Variants in ANKS1A observed in about 807,000 individuals in gnomAD.
The protein encoded by ANKS1A is ankyrin repeat and SAM domain-containing protein 1A.
Under a neutral mutation model 120.3 loss-of-function variants are expected in ANKS1A, and 55 were observed. That is an observed-to-expected ratio of 0.46 (90% CI 0.37 to 0.57). The LOEUF is 0.57. Among genes scored for constraint, ANKS1A ranks in the 20% least tolerant of loss-of-function variants. The pLI is 0.00. For missense variants in ANKS1A, 1,123 were observed against 1,480.3 expected (o/e 0.76, Z 3.96); for synonymous variants, 590 against 604.7 (o/e 0.98, Z 0.36).
At chr6:35,063,243 C>T (rs958944336) in intron 13 of ANKS1A, among the ~76,000 whole-genome samples, 2 of 152,260 alleles carry the variant, frequency 1.3e-5, no homozygotes, top group Admixed American at 6.5e-5. Context: ...CCACACTGCA[C>T]CTGCATCGTA....
At position 35,017,979 on chromosome 6, in the gene ANKS1A, C is replaced by T. The variant is rs144409160; in HGVS notation, c.1930C>T (p.Arg644Trp). 44 of 1,614,078 alleles carry T rather than the reference C, an allele frequency of 2.7e-5. No homozygotes were observed. Among genetic ancestry groups the T allele is most frequent in the Non-Finnish European group, 3.5e-5 (41 of 1,180,050 alleles). ...CACAGAGGACGCTACCATGGGGAGT[C>T]GGAGTGAGTCCTTATCCAACTGCAG... ...SPTEDATMGS[R>W]SESLSNCSIG... is the part of the protein sequence containing the mutation. Residue 644 changes from arginine to tryptophan, a missense_variant, in exon 11 of 24, where the codon CGG (arginine) becomes TGG (tryptophan). Around this residue, in one of 3 missense-constraint regions of ANKS1A, gnomAD observed 904 missense variants for 1,130.4 expected, o/e 0.80. Transcript: ENST00000360359.
chr6:35,069,063 C>T (rs1271853250), intron 13 of ANKS1A, among the ~76,000 whole-genome samples: 1 of 152,196 alleles, frequency 6.6e-6, no homozygotes, highest in African/African-American at 2.4e-5. Context: ...AGACTCAAGC[C>T]TTCCTTCCCT....
chr6:35,074,588 G>A (rs1777250878), intron 13 of ANKS1A, among the ~76,000 whole-genome samples: 1 of 152,160 alleles, frequency 6.6e-6, no homozygotes, highest in African/African-American at 2.4e-5. Flanking sequence ...AGTCTGGGAA[G>A]GCGGCTGCCT....
intron 2 of ANKS1A, among the ~76,000 whole-genome samples, chr6:34,969,103 G>A (rs915707827): frequency 4.6e-5 from 7 of 152,020 alleles, no homozygotes; most frequent in Non-Finnish European, 8.8e-5. Flanking sequence ...ATTTACAGTG[G>A]GGATTTTCTT....
chr6:34,991,588 A>G (rs1450918115), intron 9 of ANKS1A, among the ~76,000 whole-genome samples: 2 of 148,690 alleles, frequency 1.3e-5, no homozygotes, highest in Non-Finnish European at 3.0e-5. Flanking sequence ...ACATATACAC[A>G]TATATATATA....
At chr6:34,964,636 C>A (rs775621772) in intron 1 of ANKS1A, among the ~76,000 whole-genome samples, 1 of 152,162 alleles carries the variant, frequency 6.6e-6, no homozygotes, top group Non-Finnish European at 1.5e-5. Flanking sequence ...TATTTTACTG[C>A]TTGCCTATGG....
At position 34,982,745 on chromosome 6, in the gene ANKS1A, T is replaced by A. The variant is rs764070810; in HGVS notation, c.733-7T>A. On this transcript the variant is annotated splice_polypyrimidine_tract_variant and splice_region_variant and intron_variant, in intron 4 of 23. Transcript: ENST00000360359. This position sits in a 1 kb window ranked among gnomAD's most constrained non-coding sequence, Gnocchi z 4.9. ...CATCCCGCTCTGCGCTCTCGTTTGC[T>A]TTCCAGACGGAGATGGGCAGTGCTT... is the stretch of plus-strand genomic sequence containing the variant. 3.1e-6 allele frequency: 5 copies of A among 1,614,152 alleles called. No homozygotes were observed. The South Asian group carries it at 4.4e-5, about 14-fold the overall frequency.
chr6:34,982,061 C>A lies in ANKS1A; in HGVS notation c.732+75C>A. On this transcript the variant is annotated intron_variant, in intron 4 of 23. Transcript: ENST00000360359. The surrounding 1 kb of genome is among the most constrained non-coding windows in gnomAD (Gnocchi z 4.9). ...TGCAGAAGGCACAAGGACCATGCTG[C>A]TGGGCTGTGCTCTTTATTTAGCACG... 1 of 1,526,200 alleles carries A rather than the reference C, an allele frequency of 6.6e-7. No individual in the cohort carries two copies. 94.5% of individuals were successfully genotyped at this position (1,526,200 alleles called of 1,614,324 possible). A position where few individuals can be genotyped will look rare whatever the true frequency, so the allele number is the denominator to read the frequency against.
At chr6:34,951,705 A>G (rs1770100426) in intron 1 of ANKS1A, among the ~76,000 whole-genome samples, 1 of 152,228 alleles carries the variant, frequency 6.6e-6, no homozygotes, top group Non-Finnish European at 1.5e-5. Flanking sequence ...CAAAATAATC[A>G]TCTTAAATAA....
chr6:34,958,981 C>T (rs962914473), intron 1 of ANKS1A, among the ~76,000 whole-genome samples: 2 of 152,196 alleles, frequency 1.3e-5, no homozygotes, highest in African/African-American at 4.8e-5. Context: ...AGCGCTGTGG[C>T]ATCAACATTG....
At chr6:34,977,485 T>A (rs1204642632) in intron 3 of ANKS1A, among the ~76,000 whole-genome samples, 1 of 152,028 alleles carries the variant, frequency 6.6e-6, no homozygotes, top group African/African-American at 2.4e-5. Context: ...AGAGCAGGAA[T>A]CTTTCTGTCA....
chr6:34,922,930 A>T (rs1270422377), intron 1 of ANKS1A, among the ~76,000 whole-genome samples: 1 of 151,990 alleles, frequency 6.6e-6, no homozygotes, highest in African/African-American at 2.4e-5. Flanking sequence ...TGACATTGTG[A>T]TCCGCCCCTC....
chr6:35,005,535 G>A (rs1000974355), intron 10 of ANKS1A, among the ~76,000 whole-genome samples: 1 of 152,196 alleles, frequency 6.6e-6, no homozygotes, highest in Non-Finnish European at 1.5e-5. Flanking sequence ...GACAGTAGCA[G>A]AGAGTAACTA....
intron 1 of ANKS1A, among the ~76,000 whole-genome samples, chr6:34,952,521 A>C (rs775576641): frequency 2.6e-5 from 4 of 152,196 alleles, no homozygotes; most frequent in Non-Finnish European, 5.9e-5. Context: ...GCCAGGGAGC[A>C]AATCATTCTT....
chr6:34,952,145 G>A (rs960577469), intron 1 of ANKS1A, among the ~76,000 whole-genome samples: 3 of 152,096 alleles, frequency 2.0e-5, no homozygotes, highest in East Asian at 1.9e-4. Flanking sequence ...AGTTATTTCC[G>A]TCCATGCTTG....
chr6:35,023,759 AGTAG>A (rs1451713401), intron 11 of ANKS1A: 4 of 332,950 alleles, frequency 1.2e-5, no homozygotes, highest in Non-Finnish European at 2.4e-5. Flanking sequence ...GAGGCACCAA[AGTAG>A]TTCTAGGTGA....
intron 3 of ANKS1A, among the ~76,000 whole-genome samples, chr6:34,977,838 G>T (rs938514708): frequency 6.6e-6 from 1 of 152,170 alleles, no homozygotes; most frequent in African/African-American, 2.4e-5. Flanking sequence ...TATAGGCCAG[G>T]TGTCCCTAAC....
At chr6:34,991,713 CAT>C (rs1196377019) in intron 9 of ANKS1A, among the ~76,000 whole-genome samples, 12 of 44,150 alleles carry the variant, frequency 2.7e-4, no homozygotes, top group Non-Finnish European at 3.8e-4. Flanking sequence ...CATATATACA[CAT>C]ATATATACAT....
intron 13 of ANKS1A, among the ~76,000 whole-genome samples, chr6:35,077,782 C>T (rs999887560): frequency 6.6e-6 from 1 of 152,190 alleles, no homozygotes; most frequent in African/African-American, 2.4e-5. Context: ...TCAGTTTCCT[C>T]ATCTGTTAGA....
Sources: allele counts gnomAD v4.1 joint callset (sites outside exome capture counted in the v4.1 genomes callset), GRCh38; gene constraint gnomAD v4.1.1; regional missense constraint gnomAD v4.1.1; non-coding constraint Gnocchi (gnomAD v3.1); transcripts MANE v1.5; gene names NCBI Gene and HGNC (gene_info 2026-07-23, HGNC 2026-07-21).